The following SIPA1L1 variants were observed in gnomAD, a reference collection of about 807,000 sequenced individuals.
SIPA1L1 encodes signal induced proliferation associated 1 like 1, also known as signal-induced proliferation-associated 1-like protein 1.
In SIPA1L1, 26 loss-of-function variants were observed where a neutral mutation model predicts 162.7. That is an observed-to-expected ratio of 0.16 (90% CI 0.12 to 0.22). The LOEUF (loss-of-function observed/expected upper bound fraction) is 0.22. Among genes scored for constraint, SIPA1L1 ranks in the 10% least tolerant of loss-of-function variants. The pLI is 1.00. For synonymous variants in SIPA1L1, 829 were observed against 837.4 expected (o/e 0.99, Z 0.17); for missense variants, 1,874 against 2,241.0 (o/e 0.84, Z 3.31).
intron 12 of SIPA1L1, among the ~76,000 whole-genome samples, chr14:71,681,439 T>TA (rs1348876312): frequency 6.6e-6 from 1 of 152,116 alleles, no homozygotes; most frequent in Non-Finnish European, 1.5e-5. Flanking sequence ...AGAAAGCAAT[T>TA]AAGGGCCATT....
intron 2 of SIPA1L1, among the ~76,000 whole-genome samples, chr14:71,413,051 T>C (rs1036656319): frequency 6.6e-6 from 1 of 152,210 alleles, no homozygotes; most frequent in Non-Finnish European, 1.5e-5. Context: ...ATTTTCGCTT[T>C]AGGCAGGATA....
At chr14:71,603,175 G>T (rs1942892529) in intron 5 of SIPA1L1, among the ~76,000 whole-genome samples, 1 of 151,724 alleles carries the variant, frequency 6.6e-6, no homozygotes, top group African/African-American at 2.4e-5. Context: ...GCTCACTTTT[G>T]GTTTCCATTT....
chr14:71,422,116 A>G (rs956026695), intron 2 of SIPA1L1, among the ~76,000 whole-genome samples: 16 of 152,212 alleles, frequency 1.1e-4, no homozygotes, highest in African/African-American at 3.9e-4. Context: ...CCAAACTTTT[A>G]GCCTGGGAAA....
At chr14:71,720,907 CTCTG>C (rs897511953) in intron 17 of SIPA1L1, among the ~76,000 whole-genome samples, 13 of 152,058 alleles carry the variant, frequency 8.5e-5, no homozygotes, top group African/African-American at 3.1e-4. Flanking sequence ...ATTTTGAATT[CTCTG>C]TCTGAATTCT....
At chr14:71,447,955 A>G (rs1216112140) in intron 2 of SIPA1L1, among the ~76,000 whole-genome samples, 1 of 152,158 alleles carries the variant, frequency 6.6e-6, no homozygotes, top group Non-Finnish European at 1.5e-5. Context: ...GTGAAAGTTC[A>G]TGGTATTCCA....
At chr14:71,475,500 C>T (rs1000830717) in intron 2 of SIPA1L1, among the ~76,000 whole-genome samples, 1 of 151,996 alleles carries the variant, frequency 6.6e-6, no homozygotes, top group African/African-American at 2.4e-5. Flanking sequence ...TATTTGAAAA[C>T]CAATACAAGT....
chr14:71,556,911 G>A (rs2056403982), intron 4 of SIPA1L1, among the ~76,000 whole-genome samples: 1 of 152,202 alleles, frequency 6.6e-6, no homozygotes, highest in African/African-American at 2.4e-5. Flanking sequence ...ATATGGAGCA[G>A]GACTCTCTGG....
intron 5 of SIPA1L1, among the ~76,000 whole-genome samples, chr14:71,616,539 G>A (rs1410343037): frequency 6.8e-6 from 1 of 147,110 alleles, no homozygotes; most frequent in African/African-American, 2.5e-5. Flanking sequence ...AAAAAAGAGG[G>A]TCATCAAGGT....
At chr14:71,583,950 A>T (rs2034270329) in intron 4 of SIPA1L1, among the ~76,000 whole-genome samples, 1 of 152,156 alleles carries the variant, frequency 6.6e-6, no homozygotes, top group Admixed American at 6.6e-5. Flanking sequence ...GCACAGACAA[A>T]TGTGAGCCAG....
At chr14:71,476,265 C>T (rs1007667087) in intron 2 of SIPA1L1, among the ~76,000 whole-genome samples, 7 of 152,170 alleles carry the variant, frequency 4.6e-5, no homozygotes, top group Non-Finnish European at 7.4e-5. Context: ...TGGATGACTC[C>T]GAGTTCATGC....
At chr14:71,460,567 C>G (rs545671540) in intron 2 of SIPA1L1, among the ~76,000 whole-genome samples, 2 of 152,276 alleles carry the variant, frequency 1.3e-5, no homozygotes, top group African/African-American at 4.8e-5. Context: ...CCCAAAGTGT[C>G]CAGGTGGCAA....
intron 2 of SIPA1L1, among the ~76,000 whole-genome samples, chr14:71,373,617 A>T (rs1414603331): frequency 6.6e-6 from 1 of 150,696 alleles, no homozygotes; most frequent in African/African-American, 2.5e-5. Flanking sequence ...AGATCACGTC[A>T]CTGGACTCCA....
chr14:71,531,305 T>C (rs1330381988), intron 4 of SIPA1L1, among the ~76,000 whole-genome samples: 2 of 152,118 alleles, frequency 1.3e-5, no homozygotes, highest in African/African-American at 4.8e-5. Flanking sequence ...TACTTCTTTT[T>C]TTTTTTTTTC....
chr14:71,717,949 A>G (rs2083394200), intron 17 of SIPA1L1, among the ~76,000 whole-genome samples: 1 of 152,208 alleles, frequency 6.6e-6, no homozygotes, highest in Non-Finnish European at 1.5e-5. Flanking sequence ...CAGTACCTAC[A>G]GGTGGCCATG....
chr14:71,648,190 T>C (rs978174422), intron 7 of SIPA1L1, among the ~76,000 whole-genome samples: 9 of 152,136 alleles, frequency 5.9e-5, no homozygotes, highest in Non-Finnish European at 1.3e-4. Flanking sequence ...CTTGGGAGGC[T>C]GAGGAGGGAG....
At chr14:71,344,403 T>C (rs1045786355) in intron 2 of SIPA1L1, among the ~76,000 whole-genome samples, 3 of 152,158 alleles carry the variant, frequency 2.0e-5, no homozygotes, top group Non-Finnish European at 4.4e-5. Context: ...CAGTTTAGAT[T>C]TAGGATCAAT....
intron 7 of SIPA1L1, among the ~76,000 whole-genome samples, chr14:71,631,493 T>C (rs2040568622): frequency 6.6e-6 from 1 of 152,226 alleles, no homozygotes; most frequent in Non-Finnish European, 1.5e-5. Flanking sequence ...TTCTGTAGAA[T>C]TGAAATTCAT....
intron 2 of SIPA1L1, chr14:71,503,712 T>G (rs2143804678): frequency 6.6e-6 from 1 of 152,312 alleles, no homozygotes; most frequent in Admixed American, 6.5e-5. Flanking sequence ...GTTGGAATAA[T>G]TTTATATTTA....
At chr14:71,595,624 C>T (rs746474484) in intron 5 of SIPA1L1, among the ~76,000 whole-genome samples, 5 of 152,150 alleles carry the variant, frequency 3.3e-5, no homozygotes, top group Non-Finnish European at 7.3e-5. Context: ...AATAAAACGC[C>T]TTTGTCCCCA....
Sources: allele counts gnomAD v4.1 joint callset (sites outside exome capture counted in the v4.1 genomes callset), GRCh38; gene constraint gnomAD v4.1.1; transcripts MANE v1.5; gene names NCBI Gene and HGNC (gene_info 2026-07-23, HGNC 2026-07-21).